The following CA10 variants were observed in gnomAD, a reference collection of about 807,000 sequenced individuals.
CA10 encodes carbonic anhydrase-related protein 10.
CA10 carries 14 observed loss-of-function variants against 44.2 expected under a neutral mutation model. The ratio of observed to expected loss-of-function variants is 0.32; its 90% CI spans 0.21 to 0.50. The LOEUF is 0.50. CA10 is among the 20% of genes least tolerant of loss of function. CA10 has a pLI of 0.99. For missense variants in CA10, 350 were observed against 409.7 expected (o/e 0.85, Z 1.26); for synonymous variants, 159 against 141.6 (o/e 1.12, Z -0.87).
At chr17:52,152,128 A>G (rs946724515) in intron 1 of CA10, among the ~76,000 whole-genome samples, 14 of 151,964 alleles carry the variant, frequency 9.2e-5, no homozygotes, top group Admixed American at 3.3e-4. Context: ...AAAAATTCCA[A>G]CTCAACTGTC....
chr17:52,098,025 G>C (rs112071067), intron 1 of CA10, among the ~76,000 whole-genome samples: 3 of 152,154 alleles, frequency 2.0e-5, no homozygotes, highest in African/African-American at 7.2e-5. Context: ...GGGGTGGCAG[G>C]GTGTGGGAGA....
Position 52,044,019 on chromosome 17 carries a change from T to G in CA10, c.136+28300A>C, listed in dbSNP as rs1020454606. On this transcript the variant is annotated intron_variant, in intron 2 of 8. Coordinates refer to ENST00000451037, the MANE Select transcript of CA10 (RefSeq NM_020178.5). The stretch of plus-strand genomic sequence containing the variant: ...GGGATGTTGGCCTGTAATGTTCTGT[T>G]CTCTTAGTGTTCTTATTTGGCTTTG... 7.9e-5 allele frequency among the ~76,000 whole-genome samples: 12 copies of G among 152,200 alleles called. No individual in the cohort carries two copies. The South Asian group carries it at 8.3e-4, about 11-fold the overall frequency.
At chr17:51,749,448 CA>C (rs1904818632) in intron 3 of CA10, among the ~76,000 whole-genome samples, 2 of 152,336 alleles carry the variant, frequency 1.3e-5, no homozygotes, top group South Asian at 4.1e-4. Context: ...TGAGGAGAGC[CA>C]TCCCAGGAGA....
At chr17:51,941,564 T>C (rs2144016824) in intron 2 of CA10, among the ~76,000 whole-genome samples, 1 of 152,266 alleles carries the variant, frequency 6.6e-6, no homozygotes, top group Admixed American at 6.5e-5. Flanking sequence ...ATTAATTATT[T>C]CTACCTACTC....
intron 3 of CA10, among the ~76,000 whole-genome samples, chr17:51,869,762 T>G (rs781082680): frequency 6.6e-6 from 1 of 151,958 alleles, no homozygotes; most frequent in South Asian, 2.1e-4. Context: ...AATAGTAATA[T>G]AAAAAAGCAG....
At chr17:52,042,611 A>G (rs1473747361) in intron 2 of CA10, among the ~76,000 whole-genome samples, 4 of 151,660 alleles carry the variant, frequency 2.6e-5, no homozygotes, top group African/African-American at 9.7e-5. Context: ...TATGTAGTCC[A>G]ACTTGTTTAT....
chr17:51,894,047 A>G (rs1218003393), intron 3 of CA10, among the ~76,000 whole-genome samples: 1 of 152,206 alleles, frequency 6.6e-6, no homozygotes, highest in Non-Finnish European at 1.5e-5. Flanking sequence ...TAACACCACT[A>G]GAAAAGTATA....
intron 1 of CA10, among the ~76,000 whole-genome samples, chr17:52,073,504 A>T (rs1157671389): frequency 6.6e-6 from 1 of 152,170 alleles, no homozygotes; most frequent in Admixed American, 6.5e-5. Flanking sequence ...CTGACATAGG[A>T]TGAGTGAAAC....
intron 3 of CA10, among the ~76,000 whole-genome samples, chr17:51,777,452 A>G (rs940658141): frequency 3.3e-5 from 5 of 152,142 alleles, no homozygotes; most frequent in African/African-American, 9.7e-5. Context: ...ATTTTTTTGT[A>G]CAAGAGTTCT....
intron 3 of CA10, among the ~76,000 whole-genome samples, chr17:51,860,086 T>G (rs1003997823): frequency 2.6e-5 from 4 of 152,190 alleles, no homozygotes; most frequent in African/African-American, 9.7e-5. Flanking sequence ...CTTTACATTT[T>G]TCTTCCTTCC....
chr17:51,773,840 A>G (rs929965180), intron 3 of CA10, among the ~76,000 whole-genome samples: 1 of 152,038 alleles, frequency 6.6e-6, no homozygotes, highest in Non-Finnish European at 1.5e-5. Flanking sequence ...CAGAAGTCCA[A>G]TTGCTACTTG....
chr17:51,637,804 G>A (rs761221258), intron 6 of CA10, among the ~76,000 whole-genome samples: 4 of 152,164 alleles, frequency 2.6e-5, no homozygotes, highest in Non-Finnish European at 4.4e-5. Flanking sequence ...CAGCTCTTCC[G>A]ACCTCCAGAC....
chr17:51,786,058 AATTTT>A (rs1489308015), intron 3 of CA10, among the ~76,000 whole-genome samples: 1 of 152,152 alleles, frequency 6.6e-6, no homozygotes, highest in African/African-American at 2.4e-5. Context: ...CTAGGTATTT[AATTTT>A]ATTTGTGGCT....
At chr17:51,898,952 A>C (rs1431675220) in intron 3 of CA10, among the ~76,000 whole-genome samples, 2 of 151,214 alleles carry the variant, frequency 1.3e-5, no homozygotes, top group Non-Finnish European at 3.0e-5. Flanking sequence ...TTTCTTTATT[A>C]GTCTAGCTAG....
intron 2 of CA10, among the ~76,000 whole-genome samples, chr17:52,038,949 TA>T (rs1453278382): frequency 6.6e-6 from 1 of 152,182 alleles, no homozygotes; most frequent in African/African-American, 2.4e-5. Flanking sequence ...AAATTTTGAC[TA>T]GGGGTCAGAA....
intron 3 of CA10, among the ~76,000 whole-genome samples, chr17:51,892,908 C>A (rs1980919858): frequency 6.6e-6 from 1 of 152,102 alleles, no homozygotes; most frequent in African/African-American, 2.4e-5. Context: ...GCTGCAAATC[C>A]TCAAACTTCT....
chr17:51,666,276 GA>G (rs1914203597), intron 4 of CA10, among the ~76,000 whole-genome samples: 1 of 152,212 alleles, frequency 6.6e-6, no homozygotes, highest in Non-Finnish European at 1.5e-5. Context: ...CTGGAGCCCA[GA>G]AGGGAAGGGG....
At chr17:51,696,596 AAT>A (rs1482492973) in intron 4 of CA10, among the ~76,000 whole-genome samples, 3 of 152,052 alleles carry the variant, frequency 2.0e-5, no homozygotes, top group Non-Finnish European at 4.4e-5. Context: ...AGTTCTGCTC[AAT>A]TTTAGTTATT....
chr17:51,641,759 T>G (rs1913098121), intron 6 of CA10, among the ~76,000 whole-genome samples: 1 of 147,898 alleles, frequency 6.8e-6, no homozygotes, highest in Non-Finnish European at 1.5e-5. Context: ...CTTGGGGGAG[T>G]CGGGGGAAAC....
Sources: gnomAD v4.1 joint callset for allele counts (sites outside exome capture counted in the v4.1 genomes callset) on GRCh38, gnomAD v4.1.1 for gene constraint, MANE v1.5 for transcripts, NCBI Gene and HGNC (gene_info 2026-07-23, HGNC 2026-07-21) for gene names.